The following ATP10A variants were observed in gnomAD, a reference collection of about 807,000 sequenced individuals.
The protein encoded by ATP10A is ATPase phospholipid transporting 10A (putative), also known as phospholipid-transporting ATPase VA.
ATP10A carries 111 observed loss-of-function variants against 147.8 expected under a neutral mutation model. That is an observed-to-expected ratio of 0.75 (90% CI 0.64 to 0.88). The LOEUF (loss-of-function observed/expected upper bound fraction) is 0.88, where lower values mean the gene tolerates loss of function less well. ATP10A is among the 40% of genes least tolerant of loss of function. The pLI, the probability that ATP10A is intolerant of heterozygous loss-of-function variation, is 0.00. For synonymous variants in ATP10A, 875 were observed against 841.6 expected (o/e 1.04, Z -0.69); for missense variants, 1,927 against 1,959.0 (o/e 0.98, Z 0.31).
In ATP10A at chr15:25,859,625, G is replaced by T. The variant is rs76549860; in HGVS notation, c.449+3023C>A. ...CCCCAACCTGCTGAGCGTGGCTCAA[G>T]AGGGTTTTCCTAAATAGCGTGTGAA... On this transcript the variant is annotated intron_variant, in intron 1 of 20. Transcript: ENST00000555815. 4.5e-3 allele frequency among the ~76,000 whole-genome samples: 691 copies of T among 152,074 alleles called. 2 individuals carry two copies. The highest frequency in any genetic ancestry group is 6.6e-3 in the Non-Finnish European group (451 of 67,996).
chr15:25,680,985 C>T lies in ATP10A; in HGVS notation c.3573+9G>A. 6.2e-7 allele frequency: 1 copy of T among 1,613,996 alleles called. No individual in the cohort carries two copies. Reference sequence around the variant, plus strand: ...TGGTAAGAAAAACTGCACCCAGGGGCCAACTTACCAGGTAAGGAATGGAAA... The same window carrying T: ...TGGTAAGAAAAACTGCACCCAGGGGTCAACTTACCAGGTAAGGAATGGAAA... On this transcript the variant is annotated intron_variant, in intron 18 of 20. Transcript: ENST00000555815.
chr15:25,696,274 G>A lies in ATP10A; in HGVS notation c.2761-1128C>T, dbSNP rs565994921. Among the ~76,000 whole-genome samples the A allele has an allele frequency of 2.6e-3, 396 of 152,332 alleles. 5 individuals are homozygous for A. Among genetic ancestry groups the A allele is most frequent in the African/African-American group, 8.9e-3 (371 of 41,562 alleles). The stretch of plus-strand genomic sequence containing the variant: ...CTGAAAAGACACAGTTACTGCCGTA[G>A]GGGGAACAGACAGCTGATGCACACA... On this transcript the variant is annotated intron_variant, in intron 13 of 20. Transcript: ENST00000555815.
intron 1 of ATP10A, among the ~76,000 whole-genome samples, chr15:25,789,934 G>T (rs11852996): frequency 3.3e-5 from 5 of 152,210 alleles, no homozygotes; most frequent in African/African-American, 1.2e-4. Flanking sequence ...AATCGCTCCC[G>T]GTTGAGAAAT....
At chr15:25,833,277 C>T (rs1292602502) in intron 1 of ATP10A, among the ~76,000 whole-genome samples, 3 of 151,938 alleles carry the variant, frequency 2.0e-5, no homozygotes, top group Non-Finnish European at 4.4e-5. Context: ...GCCACTGCGC[C>T]GGGCCCATAT....
chr15:25,853,014 T>A (rs1265470829), intron 1 of ATP10A, among the ~76,000 whole-genome samples: 1 of 152,234 alleles, frequency 6.6e-6, no homozygotes, highest in Non-Finnish European at 1.5e-5. Flanking sequence ...TACAAGGGCG[T>A]TTTAATTGTC....
chr15:25,717,762 T>C (rs1901912089), intron 8 of ATP10A, among the ~76,000 whole-genome samples: 1 of 152,190 alleles, frequency 6.6e-6, no homozygotes. Flanking sequence ...TGCTGGATGA[T>C]GGTGGTCCAT....
intron 1 of ATP10A, among the ~76,000 whole-genome samples, chr15:25,844,965 G>A (rs1407709952): frequency 3.3e-5 from 5 of 152,216 alleles, no homozygotes; most frequent in Non-Finnish European, 2.9e-5. Context: ...GCACAGGCCT[G>A]AACAAGGGCC....
At chr15:25,786,180 A>C (rs560776919) in intron 1 of ATP10A, among the ~76,000 whole-genome samples, 2 of 152,294 alleles carry the variant, frequency 1.3e-5, no homozygotes, top group Non-Finnish European at 1.5e-5. Flanking sequence ...CCACGCCAGC[A>C]CACGGCATCA....
upstream of ATP10A, among the ~76,000 whole-genome samples, chr15:25,863,426 G>A (rs1459308714): frequency 6.6e-6 from 1 of 152,120 alleles, no homozygotes; most frequent in African/African-American, 2.4e-5. Flanking sequence ...TTCCGCGCCC[G>A]GACTGGGCCA....
intron 2 of ATP10A, among the ~76,000 whole-genome samples, chr15:25,779,512 G>A (rs879474610): frequency 4.0e-5 from 6 of 151,828 alleles, no homozygotes; most frequent in Admixed American, 3.9e-4. Flanking sequence ...CCAGGCCTAG[G>A]GGAGAAGCTG....
intron 3 of ATP10A, among the ~76,000 whole-genome samples, chr15:25,729,588 GCTTGACGTGGGAAC>G (rs1263647503): frequency 6.6e-6 from 1 of 152,128 alleles, no homozygotes; most frequent in Non-Finnish European, 1.5e-5. Context: ...CATTGCTCCA[GCTTGACGTGGGAAC>G]CAGCCGACCC....
intron 2 of ATP10A, among the ~76,000 whole-genome samples, chr15:25,774,981 T>C (rs1304466930): frequency 6.6e-6 from 1 of 152,202 alleles, no homozygotes; most frequent in Non-Finnish European, 1.5e-5. Flanking sequence ...TGACTATCCT[T>C]GAATGTATAA....
At chr15:25,841,303 T>C (rs1892802467) in intron 1 of ATP10A, among the ~76,000 whole-genome samples, 2 of 151,278 alleles carry the variant, frequency 1.3e-5, no homozygotes, top group African/African-American at 2.4e-5. Context: ...CTAATGGATG[T>C]CTAATTGCTC....
intron 1 of ATP10A, among the ~76,000 whole-genome samples, chr15:25,781,758 T>C (rs1358876049): frequency 1.3e-5 from 2 of 152,132 alleles, no homozygotes; most frequent in Non-Finnish European, 2.9e-5. Flanking sequence ...TATGACTCCA[T>C]TGAACAAGCA....
At chr15:25,682,360 T>C (rs1236220906) in intron 17 of ATP10A, among the ~76,000 whole-genome samples, 3 of 152,010 alleles carry the variant, frequency 2.0e-5, no homozygotes, top group Non-Finnish European at 4.4e-5. Flanking sequence ...AGAGTCTCTA[T>C]TACCCGGGTG....
chr15:25,806,999 G>A (rs1295331550), intron 1 of ATP10A, among the ~76,000 whole-genome samples: 1 of 152,190 alleles, frequency 6.6e-6, no homozygotes, highest in Admixed American at 6.5e-5. Context: ...ACTCACACGT[G>A]TGTTTCCATC....
At chr15:25,719,991 C>G (rs1902111583) in intron 7 of ATP10A, among the ~76,000 whole-genome samples, 2 of 152,176 alleles carry the variant, frequency 1.3e-5, no homozygotes, top group South Asian at 4.1e-4. Flanking sequence ...TTCTCTAAAA[C>G]ACGCTGCTGA....
rs28427091 is a variant in ATP10A, at chr15:25,840,731, A to G, written c.449+21917T>C. The stretch of plus-strand genomic sequence containing the variant: ...CTATTTTTAGTTTTGTGAAGGGACT[A>G]TTTTCCAGAGTGGGTATGTTTTACA... On this transcript the variant is annotated intron_variant, in intron 1 of 20. Coordinates refer to ENST00000555815, the MANE Select transcript of ATP10A (RefSeq NM_024490.4). Among the ~76,000 whole-genome samples the G allele has an allele frequency of 6.2e-3, 946 of 152,202 alleles. 12 individuals are homozygous for G. Among genetic ancestry groups the G allele is most frequent in the African/African-American group, 0.021 (893 of 41,540 alleles).
chr15:25,720,572 G>A (rs1387455715), intron 7 of ATP10A, among the ~76,000 whole-genome samples: 6 of 151,710 alleles, frequency 4.0e-5, no homozygotes, highest in Non-Finnish European at 8.8e-5. Flanking sequence ...GGAAGGGGAG[G>A]AAGGAGGGAG....
Sources: allele counts gnomAD v4.1 joint callset (sites outside exome capture counted in the v4.1 genomes callset), GRCh38; gene constraint gnomAD v4.1.1; transcripts MANE v1.5; gene names NCBI Gene and HGNC (gene_info 2026-07-23, HGNC 2026-07-21).